Variants in SCRIB observed in about 807,000 individuals in gnomAD.
SCRIB encodes protein scribble homolog.
SCRIB carries 72 observed loss-of-function variants against 170.0 expected under a neutral mutation model. That is an observed-to-expected ratio of 0.42 (90% CI 0.35 to 0.52). The LOEUF (loss-of-function observed/expected upper bound fraction) is 0.52, where lower values mean the gene tolerates loss of function less well. SCRIB is among the 20% of genes least tolerant of loss of function. The pLI is 0.02. For missense variants in SCRIB, 2,475 were observed against 2,338.5 expected (o/e 1.06, Z -1.20); for synonymous variants, 1,298 against 1,044.3 (o/e 1.24, Z -4.68).
rs749147375 is a variant in SCRIB at position 143,811,133 on chromosome 8, G to A, written c.1106+13C>T. ...GGCCACGGTTAGGCCCGCAGGGCAA[G>A]GCTGGCACTCACCGGTTCCCCGCCA... On this transcript the variant is annotated intron_variant, in intron 10 of 36. Coordinates refer to ENST00000356994, the MANE Select transcript of SCRIB (RefSeq NM_182706.5). The A allele has an allele frequency of 4.3e-5, 68 of 1,599,042 alleles. No homozygotes were observed. The highest frequency in any genetic ancestry group is 3.3e-4 in the Middle Eastern group (2 of 6,062).
rs782081296 is a variant in SCRIB, at chr8:143,792,062, G to A, written c.4586C>T (p.Thr1529Met). The A allele has an allele frequency of 1.0e-5, 16 of 1,591,942 alleles. No homozygotes were observed. Among genetic ancestry groups the A allele is most frequent in the Admixed American group, 5.1e-5 (3 of 58,538 alleles). ...GGCCAGTCGCTCCAGGGGCCCCCGCGTGCCCCGGCCTTCCTGGGACCTGCT... is the reference window on the plus strand; with the variant it reads ...GGCCAGTCGCTCCAGGGGCCCCCGCATGCCCCGGCCTTCCTGGGACCTGCT... ...VLSRSQEGRG[T>M]RGPLERLAEA... Residue 1529 changes from threonine (T) to methionine (M), a missense_variant, in exon 33 of 37, where the codon ACG (threonine) becomes ATG (methionine). By Grantham distance (81) the Thr-to-Met change is moderately conservative. This residue lies in a region of SCRIB where 1,966 missense variants were observed against 1,742.9 expected (regional missense o/e 1.13). Transcript: ENST00000356994.
Position 143,792,769 on chromosome 8 carries a change from GC to G in SCRIB, c.4115del (p.Gly1372AlafsTer135). ...ELEVRVPQAEGPPKRVSLVGA... is the reference protein window; with the variant it reads ...ELEVRVPQAEXPPKRVSLVGA... ...CCACCAGGGACACGCGCTTAGGGGG[GC>G]CCTCGGCCTGGGGCACGCGCACCTC... is the stretch of plus-strand genomic sequence containing the variant. On this transcript the variant is annotated frameshift_variant, in exon 30 of 37. Transcript: ENST00000356994. LOFTEE classifies it high-confidence loss of function. The G allele has an allele frequency of 6.3e-7, 1 of 1,586,412 alleles. No homozygotes were observed.
rs775403235 is a variant in SCRIB, at chr8:143,809,568, C to T, written c.1681G>A (p.Glu561Lys). 1.4e-5 allele frequency: 23 copies of T among 1,611,198 alleles called. No homozygotes were observed. Among genetic ancestry groups the T allele is most frequent in the East Asian group, 1.1e-4 (5 of 44,878 alleles). ...ATCCACACCTCCTGGTAGTCCTCTT[C>T]GGCGTCTTCCTCCCCGCCAGCAGTC... ...ATTAGGEEDA[E>K]EDYQEPTVHF... is the part of the protein sequence containing the mutation. Residue 561 changes from glutamate to lysine, a missense_variant, in exon 14 of 37, where the codon GAA (glutamate) becomes AAA (lysine). By Grantham distance (56) the Glu-to-Lys change is moderately conservative. Transcript: ENST00000356994.
intron 36 of SCRIB, 28 bp from the exon 37 acceptor site, chr8:143,791,336 A>G (rs1554632566): frequency 6.3e-7 from 1 of 1,589,474 alleles, no homozygotes; most frequent in East Asian, 2.3e-5. Context: ...GTGGGCAGTG[A>G]GCTGAGGGCA....
At position 143,813,448 on chromosome 8, in the gene SCRIB, G is replaced by A. The variant is rs368604604; in HGVS notation, c.503+22C>T. 4.3e-6 allele frequency: 7 copies of A among 1,613,128 alleles called. No individual in the cohort carries two copies. In the Admixed American group the frequency reaches 1.0e-4, roughly 23 times the overall value. Reference sequence around the variant, plus strand: ...GGCTGTGGCCCTGCCCTGGCTGTTAGGAGAATGCCTGTCACACTCACGCTG... The same window carrying A: ...GGCTGTGGCCCTGCCCTGGCTGTTAAGAGAATGCCTGTCACACTCACGCTG... On this transcript the variant is annotated intron_variant, in intron 5 of 36. Coordinates refer to ENST00000356994, the MANE Select transcript of SCRIB (RefSeq NM_182706.5).
chr8:143,791,502 C>A, intron 35 of SCRIB, 62 bp from the exon 36 acceptor site: 2 of 1,594,724 alleles, frequency 1.3e-6, no homozygotes, highest in Non-Finnish European at 1.7e-6. Flanking sequence ...CCCAGGTGGA[C>A]GGGTGGGCTC....
At chr8:143,803,147 C>T (rs1563795917) in intron 24 of SCRIB, among the ~76,000 whole-genome samples, 1 of 152,186 alleles carries the variant, frequency 6.6e-6, no homozygotes, top group Non-Finnish European at 1.5e-5. Flanking sequence ...GTTCACGTGC[C>T]TCGTCCTACT....
intron 24 of SCRIB, 22 bp from the exon 25 acceptor site, chr8:143,795,552 A>T: frequency 6.3e-7 from 1 of 1,589,164 alleles, no homozygotes; most frequent in Non-Finnish European, 8.6e-7. Flanking sequence ...GGTGTGGGCT[A>T]AGAAGGGGGG....
At position 143,812,872 on chromosome 8, in the gene SCRIB, C is replaced by T; in HGVS notation, c.732G>A (p.Leu244=). ...TCTGGGACAGCAGCAGGTCAGTGAG[C>T]AGCACCAGCCCGCCGAGCTCAGCAG... The part of the protein sequence containing the change: ...ELPAELGGLV[L]LTDLLLSQNL... Residue 244 remains leucine (L), a synonymous_variant, in exon 8 of 37, where the codon CTG becomes CTA. Coordinates refer to ENST00000356994, the MANE Select transcript of SCRIB (RefSeq NM_182706.5). 6.2e-7 allele frequency: 1 copy of T among 1,608,074 alleles called. No homozygotes were observed. Among genetic ancestry groups the T allele is most frequent in the Non-Finnish European group, 8.5e-7 (1 of 1,179,868 alleles).
chr8:143,794,152 G>A (rs912239260), intron 27 of SCRIB, 190 bp from the exon 28 acceptor site: 12 of 588,536 alleles, frequency 2.0e-5, no homozygotes, highest in African/African-American at 3.7e-5. Context: ...CACAGGATGC[G>A]GGGGCCTGGG....
At chr8:143,813,930 G>A (rs758670208) in intron 2 of SCRIB, 34 bp from the exon 3 acceptor site, 3 of 1,599,080 alleles carry the variant, frequency 1.9e-6, no homozygotes, top group East Asian at 2.2e-5. Flanking sequence ...CAGATGCCAT[G>A]GCCTGCAGGC....
chr8:143,813,081 G>C lies in SCRIB; in HGVS notation c.591C>G (p.Pro197=). 6.3e-7 allele frequency: 1 copy of C among 1,583,230 alleles called. No individual in the cohort carries two copies. Residue 197 remains proline (P), a synonymous_variant, in exon 7 of 37, where the codon CCC becomes CCG. Transcript: ENST00000356994. ...EVLPDTLGAL[P]NLRELWLDRN... is the part of the protein sequence containing the mutation. ...GGTCAAGCCACAGCTCCCGAAGATT[G>C]GGCAGAGCCCCCAGAGTGTCTGGCT...
In SCRIB at chr8:143,804,687, G is replaced by A. The variant is rs782268601; in HGVS notation, c.2890C>T (p.Pro964Ser). 3.2e-6 allele frequency: 5 copies of A among 1,566,500 alleles called. No individual in the cohort carries two copies. The highest frequency in any genetic ancestry group is 1.2e-5 in the South Asian group (1 of 83,906). The change falls in exon 21 of 37, where the codon CCC (proline) becomes TCC (serine). Residue 964 changes from proline to serine, a missense_variant. Physicochemically the swap from Pro to Ser is moderately conservative, Grantham distance 74. Coordinates refer to ENST00000356994, the MANE Select transcript of SCRIB (RefSeq NM_182706.5). ...LPPSPLPHSSPPTAAVATTSI... is the reference protein window; with the variant it reads ...LPPSPLPHSSSPTAAVATTSI... ...GTGGTGGCAACAGCAGCGGTGGGGG[G>A]TGAGGAATGTGGCAGAGGGCTGGGA...
At chr8:143,804,848 G>A (rs781794859) in intron 20 of SCRIB, 23 bp from the exon 21 acceptor site, 4 of 1,561,854 alleles carry the variant, frequency 2.6e-6, no homozygotes, top group East Asian at 2.3e-5. Flanking sequence ...GCCCGAATCA[G>A]GGAGGCCCAA....
chr8:143,810,365 C>T, intron 13 of SCRIB, 114 bp downstream of exon 13: 1 of 1,449,568 alleles, frequency 6.9e-7, no homozygotes, highest in South Asian at 1.3e-5. Flanking sequence ...CCAGCCTCAT[C>T]TCCTGCTCCT....
intron 24 of SCRIB, among the ~76,000 whole-genome samples, chr8:143,798,897 G>T (rs1318099799): frequency 6.6e-6 from 1 of 151,972 alleles, no homozygotes; most frequent in African/African-American, 2.4e-5. Flanking sequence ...GGCCGGGGCA[G>T]GAAGTACAAA....
At chr8:143,809,500 A>G in intron 14 of SCRIB, 51 bp downstream of exon 14, 1 of 1,566,060 alleles carries the variant, frequency 6.4e-7, no homozygotes, top group Non-Finnish European at 8.7e-7. Context: ...CAGGGGAGGC[A>G]GCCCCCACCC....
chr8:143,811,377 G>A (rs1351791808), intron 9 of SCRIB, 32 bp from the exon 10 acceptor site: 3 of 1,584,898 alleles, frequency 1.9e-6, no homozygotes, highest in South Asian at 1.1e-5. Flanking sequence ...GAGGACGCTA[G>A]GGGCTTGCTG....
rs376805230 is a variant in SCRIB at position 143,809,031 on chromosome 8, C to G, written c.1699-6G>C. 1.4e-5 allele frequency: 22 copies of G among 1,604,976 alleles called. No individual in the cohort carries two copies. The highest frequency in any genetic ancestry group is 3.4e-5 in the Admixed American group (2 of 59,594). On this transcript the variant is annotated splice_polypyrimidine_tract_variant and splice_region_variant and intron_variant, in intron 14 of 36. Transcript: ENST00000356994. ...TCTGCGAAATGCACCGTGGGCTGTG[C>G]GGACAAAAGGGTGAGGGTGGCCCCA...
Sources: gnomAD v4.1 joint callset for allele counts (sites outside exome capture counted in the v4.1 genomes callset) on GRCh38, gnomAD v4.1.1 for gene constraint, gnomAD v4.1.1 regional missense constraint, MANE v1.5 for transcripts, NCBI Gene and HGNC (gene_info 2026-07-23, HGNC 2026-07-21) for gene names.